Variants in EHMT1 observed in about 807,000 individuals in gnomAD.
The protein encoded by EHMT1 is euchromatic histone lysine methyltransferase 1, also known as histone-lysine N-methyltransferase EHMT1.
In EHMT1, 15 loss-of-function variants were observed where a neutral mutation model predicts 147.2. That is an observed-to-expected ratio of 0.10 (90% CI 0.07 to 0.16). EHMT1 has a LOEUF of 0.16. EHMT1 is among the 10% of genes least tolerant of loss of function. The pLI is 1.00. For missense variants in EHMT1, 1,587 were observed against 1,772.4 expected (o/e 0.90, Z 1.88); for synonymous variants, 795 against 709.6 (o/e 1.12, Z -1.91).
rs1025332020 is a variant in EHMT1 at position 137,816,735 on chromosome 9, T to C, written c.3374+673T>C. ...ACACTCATTTTTATAGTATTGACTT[T>C]TTTGTGACCTCGATAAACTTGGTTC... is the stretch of plus-strand genomic sequence containing the variant. On this transcript the variant is annotated intron_variant, in intron 23 of 26. Coordinates refer to ENST00000460843, the MANE Select transcript of EHMT1 (RefSeq NM_024757.5). The C allele has an allele frequency of 4.9e-5, 8 of 164,212 alleles. No individual in the cohort carries two copies. In the East Asian group the frequency reaches 1.0e-3, roughly 21 times the overall value. The allele number at this position is 164,212 out of a possible 1,614,324, so 10.2% of individuals were successfully genotyped here. A position where few individuals can be genotyped will look rare whatever the true frequency, so the allele number is the denominator to read the frequency against.
chr9:137,691,973 G>C (rs1942973748), intron 1 of EHMT1, among the ~76,000 whole-genome samples: 2 of 152,126 alleles, frequency 1.3e-5, no homozygotes, highest in Non-Finnish European at 2.9e-5. Flanking sequence ...CTCTTTCCCT[G>C]AAATATAAAT....
In EHMT1 at chr9:137,816,079, T is replaced by G; in HGVS notation, c.3374+17T>G. 1 of 1,599,172 alleles carries G rather than the reference T, an allele frequency of 6.3e-7. No homozygotes were observed. Among genetic ancestry groups the G allele is most frequent in the Non-Finnish European group, 8.5e-7 (1 of 1,172,122 alleles). On this transcript the variant is annotated intron_variant, in intron 23 of 26. Coordinates refer to ENST00000460843, the MANE Select transcript of EHMT1 (RefSeq NM_024757.5). ...TGGTCTCAGGTGAGAGGCAGCTTCC[T>G]GCCGGAGCCCCACATTCTGCTCGTA...
intron 25 of EHMT1, among the ~76,000 whole-genome samples, chr9:137,830,100 CTT>C: frequency 7.2e-6 from 1 of 139,342 alleles, no homozygotes; most frequent in East Asian, 2.0e-4. Flanking sequence ...TGGATTTTTA[CTT>C]TTTTTTTTTG....
At chr9:137,711,359 C>T (rs918766965) in intron 2 of EHMT1, among the ~76,000 whole-genome samples, 28 of 152,184 alleles carry the variant, frequency 1.8e-4, no homozygotes, top group Admixed American at 1.8e-3. Flanking sequence ...GGAGACACTC[C>T]GGTGTCCTCA....
chr9:137,715,822 C>A, intron 2 of EHMT1: 1 of 985,366 alleles, frequency 1.0e-6, no homozygotes, highest in South Asian at 4.7e-5. Context: ...CTTCTGAAGC[C>A]TTGTTTTCTA....
chr9:137,626,893 C>T (rs571213932), intron 1 of EHMT1, among the ~76,000 whole-genome samples: 1 of 151,400 alleles, frequency 6.6e-6, no homozygotes, highest in African/African-American at 2.4e-5. Flanking sequence ...TCGAGCAATT[C>T]TGCCTCAGTC....
At position 137,800,957 on chromosome 9, in the gene EHMT1, G is replaced by A. The variant is rs1953427318; in HGVS notation, c.2685G>A (p.Lys895=). The A allele has an allele frequency of 1.2e-6, 2 of 1,614,056 alleles. No individual in the cohort carries two copies. The highest frequency in any genetic ancestry group is 3.3e-5 in the Admixed American group (2 of 60,002). ...ACCTCGTGAAGCTGCTGCTGTCCAAGGGCTCTGACATCAACATCCGAGACA... is the reference window on the plus strand; with the variant it reads ...ACCTCGTGAAGCTGCTGCTGTCCAAAGGCTCTGACATCAACATCCGAGACA... ...HVDLVKLLLS[K]GSDINIRDNE... Residue 895 remains lysine (K), a synonymous_variant, in exon 18 of 27, where the codon AAG becomes AAA. Coordinates refer to ENST00000460843, the MANE Select transcript of EHMT1 (RefSeq NM_024757.5).
intron 1 of EHMT1, among the ~76,000 whole-genome samples, chr9:137,678,624 CTATATACCAGG>C (rs1355706028): frequency 1.3e-5 from 2 of 151,938 alleles, no homozygotes; most frequent in Non-Finnish European, 2.9e-5. Context: ...ACTGAACTCT[CTATATACCAGG>C]TTTTTTTCTT....
At chr9:137,747,634 A>T (rs1948654708) in intron 6 of EHMT1, 1 of 152,236 alleles carries the variant, frequency 6.6e-6, no homozygotes, top group African/African-American at 2.4e-5. Flanking sequence ...TGTTTTTAAA[A>T]AAGGCATTTT....
At chr9:137,771,235 T>G (rs1211229225) in intron 10 of EHMT1, among the ~76,000 whole-genome samples, 3 of 143,838 alleles carry the variant, frequency 2.1e-5, no homozygotes, top group Admixed American at 7.3e-5. Flanking sequence ...AGTCTTGCTC[T>G]GTCACACAGG....
intron 18 of EHMT1, among the ~76,000 whole-genome samples, chr9:137,804,876 G>T (rs908732601): frequency 2.0e-4 from 30 of 152,072 alleles, no homozygotes; most frequent in African/African-American, 6.0e-4. Context: ...AAAGCCAGTT[G>T]TCTGCATTTG....
intron 1 of EHMT1, chr9:137,641,427 C>G: frequency 1.9e-6 from 1 of 532,068 alleles, no homozygotes; most frequent in South Asian, 1.4e-5. Flanking sequence ...CACTTCAGCA[C>G]TGGTCAAACA....
At position 137,813,518 on chromosome 9, in the gene EHMT1, C is replaced by T. The variant is rs747007091; in HGVS notation, c.3168C>T (p.Ile1056=). 2 of 1,613,834 alleles carry T rather than the reference C, an allele frequency of 1.2e-6. No homozygotes were observed. Among genetic ancestry groups the T allele is most frequent in the Middle Eastern group, 1.6e-4 (1 of 6,084 alleles). The part of the protein sequence containing the change: ...VTSPMNIDRN[I]THLQYCVCID... ...CCCCCATGAACATCGACAGAAATATCACTCATCTGCAGGTGAGTGACGGCA... is the reference window on the plus strand; with the variant it reads ...CCCCCATGAACATCGACAGAAATATTACTCATCTGCAGGTGAGTGACGGCA... Residue 1056 remains isoleucine (I), a synonymous_variant, in exon 21 of 27, where the codon ATC becomes ATT. Coordinates refer to ENST00000460843, the MANE Select transcript of EHMT1 (RefSeq NM_024757.5). This position sits in a 1 kb window ranked among gnomAD's most constrained non-coding sequence, Gnocchi z 4.9.
chr9:137,649,214 C>T lies in EHMT1; in HGVS notation c.21+30165C>T, dbSNP rs1294693420. On this transcript the variant is annotated intron_variant, in intron 1 of 26. Transcript: ENST00000460843. ...ATCCCAGCACTTTGTGAGGCCAAGG[C>T]GGGTGGATCATGAGGTCAGGAGTTT... Among the ~76,000 whole-genome samples, 7 of 151,982 alleles carry T rather than the reference C, an allele frequency of 4.6e-5. No homozygotes were observed. The East Asian group carries it at 7.8e-4, about 17-fold the overall frequency.
chr9:137,744,110 G>T lies in EHMT1; in HGVS notation c.1170+20G>T. The T allele has an allele frequency of 6.2e-7, 1 of 1,613,402 alleles. No homozygotes were observed. Among genetic ancestry groups the T allele is most frequent in the Non-Finnish European group, 8.5e-7 (1 of 1,179,824 alleles). On this transcript the variant is annotated intron_variant, in intron 6 of 26. Transcript: ENST00000460843. ...CAGAAGGTATGTGTTGCTGTCTTGG[G>T]TGACAGCACAAGGAAAGAGCATCAC...
intron 3 of EHMT1, among the ~76,000 whole-genome samples, chr9:137,722,296 C>G (rs944329450): frequency 6.6e-6 from 1 of 152,164 alleles, no homozygotes; most frequent in Non-Finnish European, 1.5e-5. Flanking sequence ...GACCATGAGG[C>G]TTATTTAAGT....
intron 18 of EHMT1, chr9:137,802,778 G>A (rs1366893901): frequency 6.5e-6 from 8 of 1,226,602 alleles, no homozygotes; most frequent in South Asian, 8.3e-5. Flanking sequence ...TGCCTCCTCC[G>A]TGGGCTGCAG....
In EHMT1 at chr9:137,798,870, G is replaced by A. The variant is rs764201887; in HGVS notation, c.2563G>A (p.Val855Ile). ...TGCCAAGAAAGGCCACTACGAAGTG[G>A]TCCAGTACCTGCTTTCAAATGGACA... ...LAAKKGHYEV[V>I]QYLLSNGQMD... Residue 855 changes from valine to isoleucine, a missense_variant, in exon 17 of 27, where the codon GTC (valine) becomes ATC (isoleucine). Around this residue, in one of 7 missense-constraint regions of EHMT1, gnomAD observed 201 missense variants for 350.1 expected, o/e 0.57. Transcript: ENST00000460843. The A allele has an allele frequency of 3.7e-6, 6 of 1,614,204 alleles. No individual in the cohort carries two copies. Among genetic ancestry groups the A allele is most frequent in the Admixed American group, 1.7e-5 (1 of 60,028 alleles).
chr9:137,638,973 C>T (rs970750256), intron 1 of EHMT1, among the ~76,000 whole-genome samples: 4 of 152,176 alleles, frequency 2.6e-5, no homozygotes, highest in African/African-American at 4.8e-5. Context: ...TTCAGAACTT[C>T]GAGACCATAC....
Sources: gnomAD v4.1 joint callset for allele counts (sites outside exome capture counted in the v4.1 genomes callset) on GRCh38, gnomAD v4.1.1 for gene constraint, gnomAD v4.1.1 regional missense constraint, Gnocchi (gnomAD v3.1) non-coding constraint, MANE v1.5 for transcripts, NCBI Gene and HGNC (gene_info 2026-07-23, HGNC 2026-07-21) for gene names.